Variants in ADGRL2 observed in about 807,000 individuals in gnomAD.
ADGRL2 encodes calcium-independent alpha-latrotoxin receptor 2.
Under a neutral mutation model 157.4 loss-of-function variants are expected in ADGRL2, and 44 were observed. The ratio of observed to expected loss-of-function variants is 0.28; its 90% CI spans 0.22 to 0.36. The LOEUF (loss-of-function observed/expected upper bound fraction) is 0.36. ADGRL2 is among the 10% of genes least tolerant of loss of function. The pLI, the probability that ADGRL2 is intolerant of heterozygous loss-of-function variation, is 1.00. For synonymous variants in ADGRL2, 585 were observed against 624.7 expected (o/e 0.94, Z 0.95); for missense variants, 1,510 against 1,768.9 (o/e 0.85, Z 2.63).
chr1:81,335,831 G>A (rs1440217207), intron 1 of ADGRL2, among the ~76,000 whole-genome samples: 4 of 122,218 alleles, frequency 3.3e-5, no homozygotes, highest in African/African-American at 1.3e-4. Flanking sequence ...GCTATATAGT[G>A]TTTAAAAAAA....
At chr1:81,880,097 A>T (rs568557528) in intron 2 of ADGRL2, among the ~76,000 whole-genome samples, 1 of 152,192 alleles carries the variant, frequency 6.6e-6, no homozygotes, top group Non-Finnish European at 1.5e-5. Context: ...CCTCATCCGA[A>T]CAATGGAAAT....
intron 1 of ADGRL2, among the ~76,000 whole-genome samples, chr1:81,830,331 G>C (rs2091854834): frequency 6.6e-6 from 1 of 152,096 alleles, no homozygotes; most frequent in African/African-American, 2.4e-5. Flanking sequence ...AAAGTATAGT[G>C]CTAATGTGAT....
intron 1 of ADGRL2, among the ~76,000 whole-genome samples, chr1:81,393,021 T>C (rs1431264400): frequency 6.6e-6 from 1 of 152,172 alleles, no homozygotes; most frequent in Non-Finnish European, 1.5e-5. Context: ...TGATAACATC[T>C]GCACATGAGA....
chr1:81,511,397 C>T (rs1289774532), intron 2 of ADGRL2, among the ~76,000 whole-genome samples: 2 of 125,906 alleles, frequency 1.6e-5, no homozygotes, highest in Non-Finnish European at 3.2e-5. Context: ...AAAAAAAAAG[C>T]GCGCACACAC....
chr1:81,951,471 C>G (rs1351860432), intron 8 of ADGRL2, among the ~76,000 whole-genome samples: 2 of 152,086 alleles, frequency 1.3e-5, no homozygotes, highest in Non-Finnish European at 2.9e-5. Flanking sequence ...TTATATCACA[C>G]ATGATTATGG....
chr1:81,572,627 A>C (rs2148503073), intron 2 of ADGRL2, among the ~76,000 whole-genome samples: 1 of 152,340 alleles, frequency 6.6e-6, no homozygotes, highest in African/African-American at 2.4e-5. Flanking sequence ...AGTAAAAACA[A>C]CAAAATCATA....
chr1:81,336,548 G>A (rs367632805), intron 1 of ADGRL2, among the ~76,000 whole-genome samples: 2 of 152,038 alleles, frequency 1.3e-5, no homozygotes, highest in African/African-American at 2.4e-5. Context: ...CCTGAGGATC[G>A]CCAATGTGAA....
intron 1 of ADGRL2, among the ~76,000 whole-genome samples, chr1:81,372,000 T>A (rs1437039087): frequency 6.6e-6 from 1 of 152,016 alleles, no homozygotes; most frequent in East Asian, 1.9e-4. Flanking sequence ...GTGAGAAGGG[T>A]CAGTGTAGGA....
At chr1:81,974,891 A>G (rs1459476164) in intron 17 of ADGRL2, among the ~76,000 whole-genome samples, 1 of 152,094 alleles carries the variant, frequency 6.6e-6, no homozygotes, top group Non-Finnish European at 1.5e-5. Context: ...GGGTTATTAT[A>G]AATAATAATT....
intron 3 of ADGRL2, among the ~76,000 whole-genome samples, chr1:81,929,472 A>C (rs1200314026): frequency 1.3e-5 from 2 of 152,208 alleles, no homozygotes. Context: ...TTATCTTGCC[A>C]AAACAGAAGC....
chr1:81,838,855 C>G (rs2092412934), intron 2 of ADGRL2, among the ~76,000 whole-genome samples: 1 of 152,000 alleles, frequency 6.6e-6, no homozygotes, highest in South Asian at 2.1e-4. Flanking sequence ...TCATTTTTGG[C>G]TCATCAGGCC....
At chr1:81,421,760 G>T (rs940590747) in intron 1 of ADGRL2, among the ~76,000 whole-genome samples, 2 of 151,588 alleles carry the variant, frequency 1.3e-5, no homozygotes, top group African/African-American at 4.8e-5. Flanking sequence ...TGGAAATCTA[G>T]AATTCACTTT....
intron 1 of ADGRL2, among the ~76,000 whole-genome samples, chr1:81,805,754 T>C (rs2149554810): frequency 6.6e-6 from 1 of 151,252 alleles, no homozygotes; most frequent in Non-Finnish European, 1.5e-5. Context: ...AAGGCCACAT[T>C]GATGTAATTG....
At chr1:81,331,704 G>A (rs1186261115) in intron 1 of ADGRL2, among the ~76,000 whole-genome samples, 1 of 152,062 alleles carries the variant, frequency 6.6e-6, no homozygotes. Flanking sequence ...AAATCAAATA[G>A]CTACCATGTT....
chr1:81,961,114 T>C (rs1655217045), intron 11 of ADGRL2, among the ~76,000 whole-genome samples: 1 of 149,720 alleles, frequency 6.7e-6, no homozygotes, highest in African/African-American at 2.4e-5. Flanking sequence ...ATTAAAATTC[T>C]GTTTACAGTA....
At chr1:81,684,555 C>G (rs1390993328) in intron 3 of ADGRL2, among the ~76,000 whole-genome samples, 2 of 152,086 alleles carry the variant, frequency 1.3e-5, no homozygotes, top group African/African-American at 4.8e-5. Flanking sequence ...ACATATAGAT[C>G]GTGAAGATTT....
intron 1 of ADGRL2, among the ~76,000 whole-genome samples, chr1:81,329,523 G>A (rs1661130753): frequency 1.3e-5 from 2 of 152,118 alleles, no homozygotes; most frequent in African/African-American, 4.8e-5. Flanking sequence ...TTGCAGACCT[G>A]TGACCTAAAA....
intron 18 of ADGRL2, chr1:81,981,204 G>A (rs374617814): frequency 4.0e-4 from 114 of 283,998 alleles, no homozygotes; most frequent in Non-Finnish European, 5.5e-4. Flanking sequence ...TTCTCATTCC[G>A]TCCTATTTTC....
intron 1 of ADGRL2, among the ~76,000 whole-genome samples, chr1:81,312,803 C>G (rs1659847737): frequency 6.6e-6 from 1 of 152,132 alleles, no homozygotes; most frequent in African/African-American, 2.4e-5. Context: ...GATGTAGGAC[C>G]TTGGTTTAAA....
Sources: gnomAD v4.1 joint callset for allele counts (sites outside exome capture counted in the v4.1 genomes callset) on GRCh38, gnomAD v4.1.1 for gene constraint, MANE v1.5 for transcripts, NCBI Gene and HGNC (gene_info 2026-07-23, HGNC 2026-07-21) for gene names.